DOCK4: variants seen among roughly 807,000 people sequenced by gnomAD.
DOCK4 encodes dedicator of cytokinesis 4.
A neutral mutation model predicts 268.1 loss-of-function variants in DOCK4; 97 were observed. The ratio of observed to expected loss-of-function variants is 0.36; its 90% CI spans 0.31 to 0.43. The LOEUF is 0.43. DOCK4 is among the 20% of genes least tolerant of loss of function. The pLI, the probability that DOCK4 is intolerant of heterozygous loss-of-function variation, is 1.00. For synonymous variants in DOCK4, 954 were observed against 887.2 expected (o/e 1.08, Z -1.34); for missense variants, 2,145 against 2,455.7 (o/e 0.87, Z 2.67).
chr7:112,100,350 T>C (rs1810564588), intron 1 of DOCK4, among the ~76,000 whole-genome samples: 1 of 152,260 alleles, frequency 6.6e-6, no homozygotes, highest in Admixed American at 6.5e-5. Context: ...ATTTGGATGC[T>C]GAGTTAATAA....
chr7:111,938,406 TA>T (rs1188584176), intron 11 of DOCK4, among the ~76,000 whole-genome samples: 1 of 152,150 alleles, frequency 6.6e-6, no homozygotes, highest in East Asian at 1.9e-4. Context: ...ACATATTAGG[TA>T]TATTAACACA....
chr7:112,166,786 T>A (rs1406472304), intron 1 of DOCK4, among the ~76,000 whole-genome samples: 1 of 152,126 alleles, frequency 6.6e-6, no homozygotes. Context: ...TAGGTGATAA[T>A]AGTTGCATGG....
chr7:112,198,692 A>G (rs1487402851), intron 1 of DOCK4, among the ~76,000 whole-genome samples: 3 of 152,216 alleles, frequency 2.0e-5, no homozygotes, highest in Non-Finnish European at 4.4e-5. Flanking sequence ...TTTAAAAAAG[A>G]ACTTACTGAT....
intron 36 of DOCK4, among the ~76,000 whole-genome samples, chr7:111,771,826 G>A (rs1164701146): frequency 6.6e-6 from 1 of 152,158 alleles, no homozygotes; most frequent in Non-Finnish European, 1.5e-5. Flanking sequence ...GCTTGTGCCT[G>A]CAAGACCTTC....
intron 11 of DOCK4, 109 bp downstream of exon 11, chr7:111,940,001 A>G: frequency 8.6e-7 from 1 of 1,160,648 alleles, no homozygotes; most frequent in South Asian, 1.4e-5. Context: ...GGAATGGCTC[A>G]TAAACCACCC....
At chr7:112,031,255 C>T (rs987226578) in intron 1 of DOCK4, among the ~76,000 whole-genome samples, 19 of 152,230 alleles carry the variant, frequency 1.2e-4, no homozygotes, top group African/African-American at 3.9e-4. Flanking sequence ...GCCTACCCAA[C>T]TGAGACATCC....
Position 111,834,580 on chromosome 7 carries a change from T to C in DOCK4, c.2835+8A>G. 6.6e-7 allele frequency: 1 copy of C among 1,522,918 alleles called. No homozygotes were observed. 94.3% of individuals were successfully genotyped at this position (1,522,918 alleles called of 1,614,324 possible). A position where few individuals can be genotyped will look rare whatever the true frequency, so the allele number is the denominator to read the frequency against. ...ATGTTAAAGAAAACATTTTAAAATG[T>C]CACTTACCCTTAGTTCTTCCTTTGT... On this transcript the variant is annotated splice_region_variant and intron_variant, in intron 26 of 52. Coordinates refer to ENST00000428084, the MANE Select transcript of DOCK4 (RefSeq NM_001363540.2).
At chr7:111,763,710 T>C (rs534174866) in intron 39 of DOCK4, among the ~76,000 whole-genome samples, 4 of 150,436 alleles carry the variant, frequency 2.7e-5, no homozygotes, top group African/African-American at 9.7e-5. Flanking sequence ...CCCAGCCATC[T>C]GTGTGGCTAT....
intron 1 of DOCK4, among the ~76,000 whole-genome samples, chr7:112,075,179 G>C (rs1386174994): frequency 1.3e-5 from 2 of 152,186 alleles, no homozygotes; most frequent in Non-Finnish European, 2.9e-5. Context: ...AGACACTGAA[G>C]ACCTAATAGT....
At chr7:111,927,287 CT>C (rs1793798162) in intron 12 of DOCK4, among the ~76,000 whole-genome samples, 1 of 152,154 alleles carries the variant, frequency 6.6e-6, no homozygotes, top group African/African-American at 2.4e-5. Context: ...TTGGGAAAGG[CT>C]TTTATGTTTT....
At chr7:111,861,465 G>C (rs527258271) in intron 23 of DOCK4, among the ~76,000 whole-genome samples, 1 of 152,104 alleles carries the variant, frequency 6.6e-6, no homozygotes, top group South Asian at 2.1e-4. Flanking sequence ...TATAATATTA[G>C]GCCGGGTGTG....
intron 1 of DOCK4, among the ~76,000 whole-genome samples, chr7:112,190,591 G>T (rs149203590): frequency 6.6e-6 from 1 of 152,138 alleles, no homozygotes; most frequent in African/African-American, 2.4e-5. Context: ...TGCCCAGCAC[G>T]GGATGAGATT....
At position 112,018,143 on chromosome 7, in the gene DOCK4, C is replaced by CAAAAAAAAAAAAAAAAAAAAAAAAA. The variant is rs140883588; in HGVS notation, c.38-14037_38-14013dup. ...TGGGCAACACAGCAAGACTCCAGCT[C>CAAAAAAAAAAAAAAAAAAAAAAAAA]AAAAAAAAAAAAAAAAAAAAAAAAA... On this transcript the variant is annotated intron_variant, in intron 1 of 52. Coordinates refer to ENST00000428084, the MANE Select transcript of DOCK4 (RefSeq NM_001363540.2). Among the ~76,000 whole-genome samples the CAAAAAAAAAAAAAAAAAAAAAAAAA allele has an allele frequency of 2.9e-4, 6 of 20,640 alleles. 1 individual carries two copies. The highest frequency in any genetic ancestry group is 3.2e-4 in the Non-Finnish European group (4 of 12,462). 13.5% of individuals were successfully genotyped at this position (20,640 alleles called of 152,430 possible).
At chr7:111,780,285 C>T (rs1798713459) in intron 35 of DOCK4, among the ~76,000 whole-genome samples, 1 of 152,008 alleles carries the variant, frequency 6.6e-6, no homozygotes, top group Non-Finnish European at 1.5e-5. Flanking sequence ...ATACCATTAT[C>T]CTCCCTCTTT....
chr7:112,124,266 C>T (rs1362121524), intron 1 of DOCK4, among the ~76,000 whole-genome samples: 3 of 152,178 alleles, frequency 2.0e-5, no homozygotes, highest in African/African-American at 7.2e-5. Flanking sequence ...AGCGATCCTC[C>T]TGACTTGTCC....
chr7:112,008,736 G>A (rs986758474), intron 1 of DOCK4, among the ~76,000 whole-genome samples: 2 of 152,226 alleles, frequency 1.3e-5, no homozygotes, highest in African/African-American at 4.8e-5. Context: ...GCTTATGCCT[G>A]TAATCCCAGC....
At chr7:111,873,482 A>G (rs1299008174) in intron 17 of DOCK4, among the ~76,000 whole-genome samples, 1 of 152,192 alleles carries the variant, frequency 6.6e-6, no homozygotes, top group East Asian at 1.9e-4. Flanking sequence ...GGCTCAGTGG[A>G]GTTGCCAGAC....
chr7:111,913,932 C>A (rs1177069999), intron 13 of DOCK4, among the ~76,000 whole-genome samples: 1 of 152,084 alleles, frequency 6.6e-6, no homozygotes, highest in Non-Finnish European at 1.5e-5. Flanking sequence ...ATCAGAGGTA[C>A]AGCCATGTTG....
chr7:111,748,509 T>C (rs1331137680), intron 42 of DOCK4, among the ~76,000 whole-genome samples: 1 of 152,010 alleles, frequency 6.6e-6, no homozygotes, highest in Non-Finnish European at 1.5e-5. Context: ...AAACAAATAA[T>C]GAAAAGGTGT....
Sources: gnomAD v4.1 joint callset for allele counts (sites outside exome capture counted in the v4.1 genomes callset) on GRCh38, gnomAD v4.1.1 for gene constraint, MANE v1.5 for transcripts, NCBI Gene and HGNC (gene_info 2026-07-23, HGNC 2026-07-21) for gene names.